SLC4A1AP: variants seen among roughly 807,000 people sequenced by gnomAD.
The protein encoded by SLC4A1AP is solute carrier family 4 member 1 adaptor protein.
A neutral mutation model predicts 89.7 loss-of-function variants in SLC4A1AP; 64 were observed. The ratio of observed to expected loss-of-function variants is 0.71; its 90% CI spans 0.58 to 0.88. SLC4A1AP has a LOEUF of 0.88. SLC4A1AP is among the 40% of genes least tolerant of loss of function. The pLI, the probability that SLC4A1AP is intolerant of heterozygous loss-of-function variation, is 0.00. For synonymous variants in SLC4A1AP, 366 were observed against 353.3 expected, an observed-to-expected ratio of 1.04 and a Z score of -0.40; for missense variants, 931 against 965.0, an observed-to-expected ratio of 0.96 and a Z score of 0.47.
chr2:27,676,805 G>C (rs991338014), intron 6 of SLC4A1AP, among the ~76,000 whole-genome samples: 2 of 150,082 alleles, frequency 1.3e-5, no homozygotes, highest in African/African-American at 4.9e-5. Context: ...ACTGCAGCCT[G>C]GGTGACAGTG....
rs968620544 is a variant in SLC4A1AP at position 27,679,594 on chromosome 2, T to G, written c.1763+1670T>G. ...TCTAGCCTGGGCGACAGAGCGAGACTCCATCTCAAAAAAATAAATAAATTA... is the reference window on the plus strand; with the variant it reads ...TCTAGCCTGGGCGACAGAGCGAGACGCCATCTCAAAAAAATAAATAAATTA... On this transcript the variant is annotated intron_variant, in intron 8 of 13. Transcript: ENST00000613058. 2.8e-4 allele frequency among the ~76,000 whole-genome samples: 42 copies of G among 151,960 alleles called. 1 individual carries two copies. Among genetic ancestry groups the G allele is most frequent in the Non-Finnish European group, 5.9e-5 (4 of 67,998 alleles).
rs1675545304 is a variant in SLC4A1AP, at chr2:27,677,631, G to A, written c.1577-107G>A. 10 of 889,154 alleles carry A rather than the reference G, an allele frequency of 1.1e-5. No individual in the cohort carries two copies. The East Asian group carries it at 2.4e-4, about 21-fold the overall frequency. 55.1% of individuals were successfully genotyped at this position (889,154 alleles called of 1,614,324 possible). On this transcript the variant is annotated intron_variant, in intron 7 of 13. Transcript: ENST00000613058. ...GTTCCTTATTCCTATTACTAGTGATGTCCTCTGTCCGGTTTTATGTTAGTG... is the reference window on the plus strand; with the variant it reads ...GTTCCTTATTCCTATTACTAGTGATATCCTCTGTCCGGTTTTATGTTAGTG...
At chr2:27,686,232 A>G in intron 10 of SLC4A1AP, among the ~76,000 whole-genome samples, 1 of 152,188 alleles carries the variant, frequency 6.6e-6, no homozygotes, top group Admixed American at 6.5e-5. Flanking sequence ...TTGTCTGGGA[A>G]ACAGAAAAGT....
chr2:27,677,641 C>T (rs1038301476), intron 7 of SLC4A1AP, 97 bp from the exon 8 acceptor site: 23 of 997,070 alleles, frequency 2.3e-5, no homozygotes, highest in East Asian at 5.0e-5. Flanking sequence ...GTCCTCTGTC[C>T]GGTTTTATGT....
chr2:27,688,669 A>T, intron 11 of SLC4A1AP, 31 bp from the exon 12 acceptor site: 1 of 1,467,676 alleles, frequency 6.8e-7, no homozygotes, highest in Non-Finnish European at 9.4e-7. Flanking sequence ...TACTGAAAAT[A>T]GCTATTGCCA....
chr2:27,676,283 G>T (rs902454117), intron 6 of SLC4A1AP, among the ~76,000 whole-genome samples: 12 of 152,104 alleles, frequency 7.9e-5, no homozygotes, highest in African/African-American at 2.9e-4. Context: ...TCAATCCTAC[G>T]ACATCTGTCA....
Position 27,664,294 on chromosome 2 carries a change from G to A in SLC4A1AP, c.542G>A (p.Arg181His), listed in dbSNP as rs375295816. 25 of 1,614,100 alleles carry A rather than the reference G, an allele frequency of 1.5e-5. No homozygotes were observed. In the African/African-American group the frequency reaches 2.7e-4, roughly 17 times the overall value. Reference sequence around the variant, plus strand: ...AAGGGCGGCACTATCCTTGGCACCCGTAGCTTGAAAGGGACGAGTTACTGC... The same window carrying A: ...AAGGGCGGCACTATCCTTGGCACCCATAGCTTGAAAGGGACGAGTTACTGC... The change falls in exon 1 of 14, where the codon CGT (arginine) becomes CAT (histidine). Residue 181 changes from arginine (R) to histidine (H), a missense_variant. By Grantham distance (29) the Arg-to-His change is conservative. Transcript: ENST00000613058.
At chr2:27,663,931 C>T (rs762372675) in exon 1 of SLC4A1AP, 2 of 1,614,192 alleles carry the variant, frequency 1.2e-6, no homozygotes, top group South Asian at 1.1e-5. Flanking sequence ...GACATTCTCT[C>T]TCAGTCAGAG....
Position 27,683,740 on chromosome 2 carries a change from TTTTG to T in SLC4A1AP, c.1876-1289_1876-1286del, listed in dbSNP as rs1258143908. 4.6e-5 allele frequency among the ~76,000 whole-genome samples: 7 copies of T among 152,096 alleles called. No homozygotes were observed. In the East Asian group the frequency reaches 5.8e-4, roughly 13 times the overall value. On this transcript the variant is annotated intron_variant, in intron 9 of 13. Transcript: ENST00000613058. ...ATCTGAAGTCCTAGCTATGTATTCT[TTTTG>T]TTTGTTTCATTGAGAGACAGTCTCA...
intron 12 of SLC4A1AP, 144 bp downstream of exon 12, chr2:27,688,911 GT>G (rs1228375728): frequency 5.4e-6 from 3 of 559,352 alleles, no homozygotes; most frequent in Non-Finnish European, 9.2e-6. Flanking sequence ...TTTGATTTTT[GT>G]TTTTGAATTT....
At chr2:27,677,843 C>T in exon 8 of SLC4A1AP, 2 of 1,613,652 alleles carry the variant, frequency 1.2e-6, no homozygotes, top group Non-Finnish European at 1.7e-6. Context: ...CACCTGAGAA[C>T]TTTTGAACTG....
chr2:27,664,395 C>T, exon 1 of SLC4A1AP: 2 of 1,614,250 alleles, frequency 1.2e-6, no homozygotes, highest in Non-Finnish European at 1.7e-6. Context: ...AGTGCTGCAG[C>T]ACAGGGCGTC....
intron 8 of SLC4A1AP, among the ~76,000 whole-genome samples, chr2:27,681,792 G>T (rs192786831): frequency 6.6e-6 from 1 of 152,156 alleles, no homozygotes; most frequent in East Asian, 1.9e-4. Context: ...TGGGTATCCT[G>T]CATACTGTAC....
intron 5 of SLC4A1AP, among the ~76,000 whole-genome samples, chr2:27,671,751 G>A (rs1675430201): frequency 6.6e-6 from 1 of 152,102 alleles, no homozygotes; most frequent in Admixed American, 6.6e-5. Flanking sequence ...TTAAAAAGCT[G>A]GTACAACACT....
At chr2:27,671,104 G>A (rs1022605757) in intron 5 of SLC4A1AP, among the ~76,000 whole-genome samples, 2 of 151,684 alleles carry the variant, frequency 1.3e-5, no homozygotes, top group African/African-American at 4.8e-5. Context: ...TGTATTTTTA[G>A]TAGAGACAGG....
chr2:27,682,163 G>A (rs1675629413), intron 8 of SLC4A1AP, 85 bp from the exon 9 acceptor site: 1 of 805,904 alleles, frequency 1.2e-6, no homozygotes, highest in South Asian at 1.8e-5. Flanking sequence ...TTTTGCCAGA[G>A]GTTTCTTTGT....
chr2:27,693,322 G>A (rs1246842334), intron 12 of SLC4A1AP: 1 of 183,750 alleles, frequency 5.4e-6, no homozygotes, highest in African/African-American at 2.4e-5. Context: ...CAGTCATCAT[G>A]TTGATTGTTA....
exon 2 of SLC4A1AP, chr2:27,665,197 TAGG>T: frequency 6.2e-7 from 1 of 1,613,584 alleles, no homozygotes; most frequent in Middle Eastern, 1.7e-4. Context: ...AAGAAGATGC[TAGG>T]AGAAGACTCA....
At position 27,694,630 on chromosome 2, in the gene SLC4A1AP, C is replaced by A. The variant is rs2148143516; in HGVS notation, c.2342-4C>A. ...TGTATTTCTTTTTTTATATTCTGATCTAGGTCAAAGTGGAGATGGCAGAAC... is the reference window on the plus strand; with the variant it reads ...TGTATTTCTTTTTTTATATTCTGATATAGGTCAAAGTGGAGATGGCAGAAC... On this transcript the variant is annotated splice_region_variant and splice_polypyrimidine_tract_variant and intron_variant, in intron 13 of 13. Transcript: ENST00000613058. 2 of 1,567,404 alleles carry A rather than the reference C, an allele frequency of 1.3e-6. No individual in the cohort carries two copies. Among genetic ancestry groups the A allele is most frequent in the East Asian group, 4.5e-5 (2 of 44,144 alleles).
Sources: gnomAD v4.1 joint callset for allele counts (sites outside exome capture counted in the v4.1 genomes callset) on GRCh38, gnomAD v4.1.1 for gene constraint, MANE v1.5 for transcripts, NCBI Gene and HGNC (gene_info 2026-07-23, HGNC 2026-07-21) for gene names.